Variants in ADAMTS12 observed in about 807,000 individuals in gnomAD.
ADAMTS12 encodes A disintegrin and metalloproteinase with thrombospondin motifs 12.
ADAMTS12 carries 118 observed loss-of-function variants against 167.8 expected under a neutral mutation model. The ratio of observed to expected loss-of-function variants is 0.70; its 90% CI spans 0.61 to 0.82. The LOEUF is 0.82. Ranked by LOEUF, ADAMTS12 falls within the 40% of genes least tolerant of loss-of-function variation. The pLI is 0.00. For synonymous variants in ADAMTS12, 704 were observed against 716.9 expected, an observed-to-expected ratio of 0.98 and a Z score of 0.29; for missense variants, 1,916 against 1,998.8, an observed-to-expected ratio of 0.96 and a Z score of 0.79.
At chr5:33,835,909 CT>C (rs1331872948) in intron 2 of ADAMTS12, among the ~76,000 whole-genome samples, 5 of 40,260 alleles carry the variant, frequency 1.2e-4, no homozygotes, top group African/African-American at 5.0e-4. Context: ...TAATATCCAT[CT>C]CTCTCTCTCT....
At chr5:33,760,221 T>G (rs1484253436) in intron 2 of ADAMTS12, among the ~76,000 whole-genome samples, 1 of 152,096 alleles carries the variant, frequency 6.6e-6, no homozygotes, top group Non-Finnish European at 1.5e-5. Context: ...GAAGTACTAG[T>G]AATGGCCCCA....
At chr5:33,717,284 A>T (rs1743649999) in intron 3 of ADAMTS12, among the ~76,000 whole-genome samples, 1 of 152,058 alleles carries the variant, frequency 6.6e-6, no homozygotes, top group Non-Finnish European at 1.5e-5. Flanking sequence ...TCTGCACCCA[A>T]ATTTCATCTA....
intron 14 of ADAMTS12, among the ~76,000 whole-genome samples, chr5:33,620,207 G>C (rs971522619): frequency 2.6e-5 from 4 of 152,208 alleles, no homozygotes; most frequent in African/African-American, 9.7e-5. Flanking sequence ...GACAGCTATA[G>C]CTGCAGACCT....
chr5:33,733,968 C>T (rs1239201289), intron 3 of ADAMTS12, among the ~76,000 whole-genome samples: 1 of 151,326 alleles, frequency 6.6e-6, no homozygotes, highest in Non-Finnish European at 1.5e-5. Context: ...CACCCAGACC[C>T]ATCTGATGTC....
intron 5 of ADAMTS12, among the ~76,000 whole-genome samples, chr5:33,664,360 G>A (rs970799337): frequency 1.3e-5 from 2 of 152,064 alleles, no homozygotes; most frequent in African/African-American, 4.8e-5. Context: ...CACCAAATGT[G>A]ACCCACCTAG....
At chr5:33,857,389 T>G (rs1242500855) in intron 2 of ADAMTS12, among the ~76,000 whole-genome samples, 1 of 151,602 alleles carries the variant, frequency 6.6e-6, no homozygotes, top group Non-Finnish European at 1.5e-5. Flanking sequence ...ACTTGAAATT[T>G]GCTAAGAGGG....
intron 2 of ADAMTS12, among the ~76,000 whole-genome samples, chr5:33,780,350 CT>C (rs35788048): frequency 0.12 from 17,809 of 151,484 alleles, 1,270 homozygotes; most frequent in Non-Finnish European, 0.15. Context: ...TCATGAAAGA[CT>C]TTTTTTTTGA....
At chr5:33,581,314 T>C (rs1240740260) in intron 18 of ADAMTS12, among the ~76,000 whole-genome samples, 4 of 152,212 alleles carry the variant, frequency 2.6e-5, no homozygotes. Context: ...GAAAGCAGCA[T>C]GTCAACCTGT....
At chr5:33,562,416 G>C (rs551875350) in intron 19 of ADAMTS12, among the ~76,000 whole-genome samples, 9 of 151,924 alleles carry the variant, frequency 5.9e-5, no homozygotes, top group Non-Finnish European at 1.3e-4. Context: ...CCTTTTGTGT[G>C]CCTGATTCTT....
At chr5:33,649,034 A>G (rs1740782322) in intron 8 of ADAMTS12, 68 bp from the exon 9 acceptor site, 13 of 1,570,044 alleles carry the variant, frequency 8.3e-6, no homozygotes, top group Middle Eastern at 1.7e-4. Flanking sequence ...CTTTCATTCA[A>G]CAGAAACTTC....
At position 33,610,183 on chromosome 5, in the gene ADAMTS12, A is replaced by G. The variant is rs1738658355; in HGVS notation, c.2527+4055T>C. ...TCAACAAGAATGAAACTCTGTCTCAAACAAACGAACAACAACAGCAACAAC... is the reference window on the plus strand; with the variant it reads ...TCAACAAGAATGAAACTCTGTCTCAGACAAACGAACAACAACAGCAACAAC... On this transcript the variant is annotated intron_variant, in intron 16 of 23. Transcript: ENST00000504830. Among the ~76,000 whole-genome samples the G allele has an allele frequency of 1.3e-5, 2 of 152,180 alleles. 1 individual carries two copies. Among genetic ancestry groups the G allele is most frequent in the South Asian group, 4.1e-4 (2 of 4,826 alleles).
intron 18 of ADAMTS12, among the ~76,000 whole-genome samples, chr5:33,582,173 C>A (rs1432107542): frequency 6.6e-6 from 1 of 152,098 alleles, no homozygotes; most frequent in Admixed American, 6.5e-5. Flanking sequence ...CAAATCAGAC[C>A]TGAGGAGGAC....
At chr5:33,532,368 A>C (rs1744147848) in intron 23 of ADAMTS12, among the ~76,000 whole-genome samples, 1 of 152,312 alleles carries the variant, frequency 6.6e-6, no homozygotes, top group Non-Finnish European at 1.5e-5. Context: ...TTGTTGAATA[A>C]GTGAATGAAT....
At chr5:33,599,288 G>A (rs1738065899) in intron 16 of ADAMTS12, among the ~76,000 whole-genome samples, 1 of 152,212 alleles carries the variant, frequency 6.6e-6, no homozygotes, top group Admixed American at 6.5e-5. Flanking sequence ...CTCAATAAAT[G>A]TGAGCTTTCT....
intron 2 of ADAMTS12, among the ~76,000 whole-genome samples, chr5:33,755,956 C>T (rs1223834095): frequency 1.3e-5 from 2 of 152,104 alleles, no homozygotes; most frequent in Admixed American, 6.5e-5. Context: ...CACCTGTTCC[C>T]CATCATATAG....
intron 1 of ADAMTS12, among the ~76,000 whole-genome samples, chr5:33,889,408 T>C (rs1199072760): frequency 6.6e-6 from 1 of 152,186 alleles, no homozygotes; most frequent in African/African-American, 2.4e-5. Flanking sequence ...AATGGAAGTC[T>C]AAGGAGATTG....
chr5:33,671,532 T>A (rs76885225), intron 5 of ADAMTS12, among the ~76,000 whole-genome samples: 1 of 152,180 alleles, frequency 6.6e-6, no homozygotes, highest in Non-Finnish European at 1.5e-5. Flanking sequence ...TAAAAATAAC[T>A]GGTCTGAACC....
At position 33,569,240 on chromosome 5, in the gene ADAMTS12, C is replaced by T. The variant is rs1579678978; in HGVS notation, c.3972+6814G>A. ...CCTGGGCTGACAGCTCTGAAGAGAG[C>T]CGTCGTTCTCCCAGCACGCAGCTGG... On this transcript the variant is annotated intron_variant, in intron 19 of 23. Transcript: ENST00000504830. 3.3e-5 allele frequency among the ~76,000 whole-genome samples: 5 copies of T among 152,358 alleles called. No homozygotes were observed. The South Asian group carries it at 1.0e-3, about 32-fold the overall frequency.
chr5:33,538,340 C>G (rs1208770651), intron 22 of ADAMTS12, among the ~76,000 whole-genome samples: 1 of 152,054 alleles, frequency 6.6e-6, no homozygotes, highest in Admixed American at 6.5e-5. Context: ...GGGGAAACTG[C>G]CCCCCATGAT....
Sources: gnomAD v4.1 joint callset for allele counts (sites outside exome capture counted in the v4.1 genomes callset) on GRCh38, gnomAD v4.1.1 for gene constraint, MANE v1.5 for transcripts, NCBI Gene and HGNC (gene_info 2026-07-23, HGNC 2026-07-21) for gene names.